The following COPG2 variants were observed in gnomAD, a reference collection of about 807,000 sequenced individuals.
The protein encoded by COPG2 is coatomer subunit gamma-2.
In COPG2, 37 loss-of-function variants were observed where a neutral mutation model predicts 46.3. The observed-to-expected ratio is 0.80, with a 90% CI of 0.61 to 1.05. The LOEUF (loss-of-function observed/expected upper bound fraction) is 1.05. Among genes scored for constraint, COPG2 ranks in the 50% least tolerant of loss-of-function variants. COPG2 has a pLI of 0.00. For missense variants in COPG2, 427 were observed against 387.8 expected, an observed-to-expected ratio of 1.10 and a Z score of -0.85; for synonymous variants, 159 against 129.7, an observed-to-expected ratio of 1.23 and a Z score of -1.53.
chr7:130,598,103 G>C (rs1794564844), intron 9 of COPG2, among the ~76,000 whole-genome samples: 1 of 151,868 alleles, frequency 6.6e-6, no homozygotes, highest in South Asian at 2.1e-4. Context: ...AGGAAGCTGG[G>C]ACATTAGAGC....
In COPG2 at chr7:130,667,469, T is replaced by A; in HGVS notation, c.90+13A>T. 6.2e-7 allele frequency: 1 copy of A among 1,610,620 alleles called. No individual in the cohort carries two copies. Among genetic ancestry groups the A allele is most frequent in the Non-Finnish European group, 8.5e-7 (1 of 1,177,032 alleles). Reference sequence around the variant, plus strand: ...ATAGAAAAGAAAGGGCACAAGATACTTCCCAGTCATACCTCCTGTAAAACA... The same window carrying A: ...ATAGAAAAGAAAGGGCACAAGATACATCCCAGTCATACCTCCTGTAAAACA... On this transcript the variant is annotated intron_variant, in intron 2 of 23. Transcript: ENST00000425248.
intron 6 of COPG2, among the ~76,000 whole-genome samples, chr7:130,614,784 T>C (rs1251396556): frequency 1.3e-5 from 2 of 152,200 alleles, no homozygotes; most frequent in African/African-American, 4.8e-5. Context: ...TAGCTGGGCA[T>C]CGGCCTGGTT....
intron 9 of COPG2, among the ~76,000 whole-genome samples, chr7:130,590,839 G>A (rs1554448711): frequency 6.6e-6 from 1 of 151,844 alleles, no homozygotes; most frequent in Non-Finnish European, 1.5e-5. Flanking sequence ...CCCCGTCTGG[G>A]ATGTGAGGAG....
chr7:130,525,941 G>A (rs1202329312), intron 20 of COPG2, among the ~76,000 whole-genome samples: 1 of 92,422 alleles, frequency 1.1e-5, no homozygotes, highest in East Asian at 2.3e-4. Flanking sequence ...GCAACCAAGA[G>A]GGAAAGAAGA....
intron 6 of COPG2, among the ~76,000 whole-genome samples, chr7:130,614,086 T>C (rs1274495333): frequency 1.3e-5 from 2 of 152,198 alleles, no homozygotes; most frequent in Non-Finnish European, 1.5e-5. Context: ...TTATCTGAGA[T>C]ACATAAAGAA....
chr7:130,630,662 G>T (rs1422782067), intron 5 of COPG2, among the ~76,000 whole-genome samples: 1 of 151,988 alleles, frequency 6.6e-6, no homozygotes, highest in East Asian at 1.9e-4. Flanking sequence ...TCTGTTATTA[G>T]CTCCATAAAC....
At chr7:130,628,631 TTC>T (rs1407607634) in intron 5 of COPG2, among the ~76,000 whole-genome samples, 1 of 152,234 alleles carries the variant, frequency 6.6e-6, no homozygotes, top group East Asian at 1.9e-4. Context: ...GTTTCCAGTG[TTC>T]TTTTTGTGTA....
chr7:130,567,615 C>T (rs1793825609), intron 9 of COPG2, among the ~76,000 whole-genome samples: 4 of 152,260 alleles, frequency 2.6e-5, no homozygotes, highest in African/African-American at 9.6e-5. Context: ...GCAGATTTCT[C>T]AGCAGAAACC....
At chr7:130,620,595 T>C (rs1554453494) in intron 5 of COPG2, among the ~76,000 whole-genome samples, 2 of 152,224 alleles carry the variant, frequency 1.3e-5, no homozygotes, top group African/African-American at 4.8e-5. Context: ...TGTTATTCTA[T>C]GCCTGTCCCA....
intron 9 of COPG2, among the ~76,000 whole-genome samples, chr7:130,577,020 G>A (rs1794010507): frequency 6.6e-6 from 1 of 152,118 alleles, no homozygotes; most frequent in African/African-American, 2.4e-5. Flanking sequence ...TGGAAGAAAT[G>A]AATAAACTGC....
intron 20 of COPG2, chr7:130,509,573 C>G (rs1799562846): frequency 2.3e-6 from 1 of 436,664 alleles, no homozygotes; most frequent in Non-Finnish European, 4.7e-6. Context: ...CTTTCATCTG[C>G]TCAGTCTTGA....
At position 130,549,330 on chromosome 7, in the gene COPG2, C is replaced by T. The variant is rs1304328747; in HGVS notation, c.1821G>A (p.Arg607=). The change falls in exon 18 of 24, where the codon AGG becomes AGA. Residue 607 remains arginine (R), a synonymous_variant. Coordinates refer to ENST00000425248, the MANE Select transcript of COPG2 (RefSeq NM_012133.6). ...TCATCATACCTTGGAAAATGTCTTGCCTGGAAGGAGCCAACTTCTCTGGCT... is the reference window on the plus strand; with the variant it reads ...TCATCATACCTTGGAAAATGTCTTGTCTGGAAGGAGCCAACTTCTCTGGCT... ...ATKPEKLAPS[R]QDIFQEQLAA... 2 of 398,370 alleles carry T rather than the reference C, an allele frequency of 5.0e-6. No homozygotes were observed. The highest frequency in any genetic ancestry group is 8.8e-6 in the Non-Finnish European group (2 of 226,026). The allele number at this position is 398,370 out of a possible 1,614,324, so 24.7% of individuals were successfully genotyped here. A position where few individuals can be genotyped will look rare whatever the true frequency, so the allele number is the denominator to read the frequency against.
At chr7:130,565,308 G>C (rs2116407607) in intron 9 of COPG2, among the ~76,000 whole-genome samples, 2 of 152,322 alleles carry the variant, frequency 1.3e-5, no homozygotes, top group East Asian at 3.9e-4. Context: ...AAGCATTTAA[G>C]AAAATCTGTC....
At chr7:130,577,907 A>T (rs1408819307) in intron 9 of COPG2, among the ~76,000 whole-genome samples, 5 of 151,874 alleles carry the variant, frequency 3.3e-5, no homozygotes, top group African/African-American at 1.2e-4. Context: ...GCAAGGCGGC[A>T]GCGAGGCTGG....
chr7:130,615,167 G>A (rs1794927907), intron 6 of COPG2, among the ~76,000 whole-genome samples: 1 of 152,182 alleles, frequency 6.6e-6, no homozygotes, highest in Non-Finnish European at 1.5e-5. Flanking sequence ...TCACACAAAG[G>A]TATTCATGTT....
At position 130,666,843 on chromosome 7, in the gene COPG2, A is replaced by G; in HGVS notation, c.171+6T>C. ...CACTTATCTGAGGAAAATAAAAATA[A>G]TATACCTGGTTCAGTAAGTAAAGAA... is the stretch of plus-strand genomic sequence containing the variant. On this transcript the variant is annotated splice_donor_region_variant and intron_variant, in intron 3 of 23. Coordinates refer to ENST00000425248, the MANE Select transcript of COPG2 (RefSeq NM_012133.6). The G allele has an allele frequency of 4.5e-6, 6 of 1,329,948 alleles. No individual in the cohort carries two copies. The highest frequency in any genetic ancestry group is 4.3e-6 in the Non-Finnish European group (4 of 939,184). 82.4% of individuals were successfully genotyped at this position (1,329,948 alleles called of 1,614,324 possible). A position where few individuals can be genotyped will look rare whatever the true frequency, so the allele number is the denominator to read the frequency against.
chr7:130,575,463 T>C (rs1793985099), intron 9 of COPG2, among the ~76,000 whole-genome samples: 1 of 152,054 alleles, frequency 6.6e-6, no homozygotes, highest in Non-Finnish European at 1.5e-5. Flanking sequence ...AAGCATCATA[T>C]ATAAAGGAAA....
chr7:130,510,061 T>C (rs1554440838), intron 20 of COPG2: 2 of 519,496 alleles, frequency 3.8e-6, no homozygotes, highest in East Asian at 5.4e-5. Flanking sequence ...AAATACCTTG[T>C]ATTTCAAATG....
intron 14 of COPG2, 60 bp downstream of exon 14, chr7:130,554,421 T>A (rs1388241476): frequency 1.0e-5 from 4 of 397,948 alleles, no homozygotes; most frequent in African/African-American, 2.1e-5. Context: ...AATTTCATTA[T>A]CACTCTCTTA....
Sources: gnomAD v4.1 joint callset for allele counts (sites outside exome capture counted in the v4.1 genomes callset) on GRCh38, gnomAD v4.1.1 for gene constraint, MANE v1.5 for transcripts, NCBI Gene and HGNC (gene_info 2026-07-23, HGNC 2026-07-21) for gene names.